Variants in DHX30 observed in about 807,000 individuals in gnomAD.
The protein encoded by DHX30 is DExH-box helicase 30.
Under a neutral mutation model 116.9 loss-of-function variants are expected in DHX30, and 4 were observed. The observed-to-expected ratio is 0.03, with a 90% CI of 0.02 to 0.08. The LOEUF is 0.08. Among genes scored for constraint, DHX30 ranks in the 10% least tolerant of loss-of-function variants. DHX30 has a pLI of 1.00. For missense variants in DHX30, 871 were observed against 1,595.1 expected (o/e 0.55, Z 7.73); for synonymous variants, 697 against 651.7 (o/e 1.07, Z -1.06).
At chr3:47,808,206 G>A (rs1374638798) in intron 2 of DHX30, among the ~76,000 whole-genome samples, 1 of 150,742 alleles carries the variant, frequency 6.6e-6, no homozygotes, top group African/African-American at 2.4e-5. Context: ...CACTGCACCC[G>A]CCTTACTTTT....
chr3:47,826,684 C>T (rs2036569460), intron 4 of DHX30, among the ~76,000 whole-genome samples: 1 of 149,780 alleles, frequency 6.7e-6, no homozygotes, highest in East Asian at 1.9e-4. Context: ...AAACTCCTGA[C>T]CTTGTGATCC....
rs752206130 is a variant in DHX30, at chr3:47,849,930, C to T, written c.3395C>T (p.Ser1132Leu). 12 of 1,613,312 alleles carry T rather than the reference C, an allele frequency of 7.4e-6. No homozygotes were observed. The highest frequency in any genetic ancestry group is 3.3e-5 in the South Asian group (3 of 91,032). ...DSDLLRLEGD[S>L]RTVRLLKELR... Reference sequence around the variant, plus strand: ...GACCTGCTGCGGCTGGAGGGTGACTCGCGTACCGTGCGGCTGCTGAAGGAG... The same window carrying T: ...GACCTGCTGCGGCTGGAGGGTGACTTGCGTACCGTGCGGCTGCTGAAGGAG... The change falls in exon 22 of 22, where the codon TCG becomes TTG. Residue 1132 changes from serine to leucine, a missense_variant. Physicochemically the swap from Ser to Leu is moderately radical, Grantham distance 145. Coordinates refer to ENST00000445061, the MANE Select transcript of DHX30 (RefSeq NM_138615.3).
chr3:47,838,306 C>T (rs2037215712), intron 6 of DHX30, among the ~76,000 whole-genome samples: 1 of 152,146 alleles, frequency 6.6e-6, no homozygotes, highest in Admixed American at 6.6e-5. Flanking sequence ...AATAAGAAGC[C>T]TCTGCAGACT....
rs1299501475 is a variant in DHX30 at position 47,849,316 on chromosome 3, G to A, written c.3054G>A (p.Val1018=). ...AGGAGGAGGAGCTGGTGAAGGGCGT[G>A]CTGATGGCCGGCCTCTACCCCAACC... ...YSEEEELVKG[V]LMAGLYPNLI... is the part of the protein sequence containing the mutation. Residue 1018 remains valine (V), a synonymous_variant, in exon 19 of 22, where the codon GTG becomes GTA. Coordinates refer to ENST00000445061, the MANE Select transcript of DHX30 (RefSeq NM_138615.3). 2 of 1,614,014 alleles carry A rather than the reference G, an allele frequency of 1.2e-6. No homozygotes were observed. The highest frequency in any genetic ancestry group is 1.7e-5 in the Admixed American group (1 of 60,018).
intron 6 of DHX30, among the ~76,000 whole-genome samples, chr3:47,831,930 CTTT>C (rs147733795): frequency 7.8e-6 from 1 of 127,464 alleles, no homozygotes; most frequent in African/African-American, 2.9e-5. Context: ...TTTCCTTTTT[CTTT>C]TTTTTTTTTT....
chr3:47,811,943 A>C (rs1373180603), intron 3 of DHX30, among the ~76,000 whole-genome samples: 1 of 151,918 alleles, frequency 6.6e-6, no homozygotes, highest in African/African-American at 2.4e-5. Context: ...CTGCGCCTAT[A>C]GTCCCAGCTA....
chr3:47,841,115 T>A lies in DHX30; in HGVS notation c.605T>A (p.Ile202Lys). The change falls in exon 7 of 22, where the codon ATA (isoleucine) becomes AAA (lysine). Residue 202 changes from isoleucine to lysine, a missense_variant. Physicochemically the swap from Ile to Lys is moderately radical, Grantham distance 102. Transcript: ENST00000445061. ...DEEEELEEGTIDVTDFLSMTQ... is the reference protein window; with the variant it reads ...DEEEELEEGTKDVTDFLSMTQ... Reference sequence around the variant, plus strand: ...GAGGAAGAGCTAGAAGAAGGGACCATAGATGTTACCGACTTCTTGTCCATG... The same window carrying A: ...GAGGAAGAGCTAGAAGAAGGGACCAAAGATGTTACCGACTTCTTGTCCATG... 2 of 1,614,154 alleles carry A rather than the reference T, an allele frequency of 1.2e-6. No homozygotes were observed. Among genetic ancestry groups the A allele is most frequent in the Non-Finnish European group, 1.7e-6 (2 of 1,180,014 alleles).
At chr3:47,807,376 T>C (rs2035576616) in intron 2 of DHX30, among the ~76,000 whole-genome samples, 1 of 151,716 alleles carries the variant, frequency 6.6e-6, no homozygotes, top group South Asian at 2.1e-4. Flanking sequence ...TGAGCCTAAA[T>C]TGACATATTG....
At chr3:47,838,297 A>T (rs1357061712) in intron 6 of DHX30, among the ~76,000 whole-genome samples, 3 of 152,238 alleles carry the variant, frequency 2.0e-5, no homozygotes, top group African/African-American at 7.2e-5. Context: ...CAAATGCTTA[A>T]TAAGAAGCCT....
At chr3:47,845,933 A>G in intron 10 of DHX30, 81 bp downstream of exon 10, 1 of 1,525,744 alleles carries the variant, frequency 6.6e-7, no homozygotes, top group Non-Finnish European at 8.8e-7. Context: ...TCCACCTGCG[A>G]CAGGCAGTAG....
rs186366596 is a variant in DHX30, at chr3:47,841,189, A to T, written c.668+11A>T. The T allele has an allele frequency of 1.7e-5, 28 of 1,612,458 alleles. No individual in the cohort carries two copies. In the African/African-American group the frequency reaches 3.5e-4, roughly 20 times the overall value. On this transcript the variant is annotated intron_variant, in intron 7 of 21. Transcript: ENST00000445061. Reference sequence around the variant, plus strand: ...ACTCAGGGACTCAAGGTACAGATGGAGGATGGGGATGCAGCAGAGGCTGGC... The same window carrying T: ...ACTCAGGGACTCAAGGTACAGATGGTGGATGGGGATGCAGCAGAGGCTGGC...
At chr3:47,819,654 A>G (rs1334790834) in intron 4 of DHX30, among the ~76,000 whole-genome samples, 1 of 152,318 alleles carries the variant, frequency 6.6e-6, no homozygotes, top group Admixed American at 6.5e-5. Context: ...TGTTGCAGCA[A>G]CAGTCTCTCT....
At chr3:47,838,034 G>C (rs2037203542) in intron 6 of DHX30, among the ~76,000 whole-genome samples, 1 of 152,154 alleles carries the variant, frequency 6.6e-6, no homozygotes, top group South Asian at 2.1e-4. Context: ...GCAAAGGCAG[G>C]GGGAGAACGG....
intron 4 of DHX30, 56 bp from the exon 5 acceptor site, chr3:47,827,291 A>T: frequency 6.5e-7 from 1 of 1,546,910 alleles, no homozygotes; most frequent in South Asian, 1.2e-5. Context: ...TACACACCCC[A>T]TGGAGTTTTT....
chr3:47,837,622 C>A (rs1142722), intron 6 of DHX30, among the ~76,000 whole-genome samples: 1 of 152,100 alleles, frequency 6.6e-6, no homozygotes, highest in Admixed American at 6.6e-5. Context: ...TTAGCCGGGC[C>A]TGGTGGCGTA....
intron 4 of DHX30, among the ~76,000 whole-genome samples, chr3:47,822,962 G>A (rs2036364199): frequency 6.6e-6 from 1 of 151,110 alleles, no homozygotes; most frequent in South Asian, 2.1e-4. Flanking sequence ...GTGTGGTGGC[G>A]GGCACCTGTA....
chr3:47,838,526 A>T (rs535820001), intron 6 of DHX30, among the ~76,000 whole-genome samples: 9 of 152,320 alleles, frequency 5.9e-5, no homozygotes, highest in African/African-American at 2.2e-4. Context: ...TTTTAAAATT[A>T]AATTTAATTA....
chr3:47,826,928 A>T (rs990669417), intron 4 of DHX30, among the ~76,000 whole-genome samples: 1 of 152,006 alleles, frequency 6.6e-6, no homozygotes, highest in Non-Finnish European at 1.5e-5. Flanking sequence ...AGAGCCTTGC[A>T]TTGTCTTGAT....
At chr3:47,824,004 T>C (rs1462550246) in intron 4 of DHX30, among the ~76,000 whole-genome samples, 1 of 144,202 alleles carries the variant, frequency 6.9e-6, no homozygotes, top group African/African-American at 2.6e-5. Context: ...TCCTTTTTTT[T>C]TTTTTTTTTT....
Sources: gnomAD v4.1 joint callset for allele counts (sites outside exome capture counted in the v4.1 genomes callset) on GRCh38, gnomAD v4.1.1 for gene constraint, MANE v1.5 for transcripts, NCBI Gene and HGNC (gene_info 2026-07-23, HGNC 2026-07-21) for gene names.